Variants in RAP2A observed in about 807,000 individuals in gnomAD.
RAP2A encodes RAP2A, member of RAS oncogene family.
In RAP2A, 5 loss-of-function variants were observed where a neutral mutation model predicts 15.1. The ratio of observed to expected loss-of-function variants is 0.33; its 90% CI spans 0.17 to 0.70. The LOEUF (loss-of-function observed/expected upper bound fraction) is 0.70. Among genes scored for constraint, RAP2A ranks in the 30% least tolerant of loss-of-function variants. The pLI is 0.68. For missense variants in RAP2A, 111 were observed against 240.3 expected (o/e 0.46, Z 3.56); for synonymous variants, 110 against 99.7 (o/e 1.10, Z -0.62).
At chr13:97,457,701 GTATACT>G (rs1446259056) in intron 1 of RAP2A, among the ~76,000 whole-genome samples, 5 of 151,978 alleles carry the variant, frequency 3.3e-5, no homozygotes, top group South Asian at 2.1e-4. Flanking sequence ...AAAGCTATAG[GTATACT>G]TATATTGATA....
intron 1 of RAP2A, among the ~76,000 whole-genome samples, chr13:97,459,134 G>C (rs1463969445): frequency 6.6e-6 from 1 of 152,160 alleles, no homozygotes; most frequent in African/African-American, 2.4e-5. Flanking sequence ...AAGTTGGTGA[G>C]ATATCTGCTG....
chr13:97,438,479 C>T (rs758041832), intron 1 of RAP2A, among the ~76,000 whole-genome samples: 3 of 152,222 alleles, frequency 2.0e-5, no homozygotes, highest in Non-Finnish European at 2.9e-5. Flanking sequence ...CCATTTATAC[C>T]GGAGGTTGCA....
At chr13:97,434,858 G>A in intron 1 of RAP2A, 74 bp downstream of exon 1, 1 of 1,571,026 alleles carries the variant, frequency 6.4e-7, no homozygotes. Flanking sequence ...TCCCCGCGCG[G>A]GGCTCCGGGG....
At chr13:97,461,259 G>A (rs1444617583) in intron 1 of RAP2A, among the ~76,000 whole-genome samples, 2 of 152,156 alleles carry the variant, frequency 1.3e-5, no homozygotes, top group African/African-American at 2.4e-5. Flanking sequence ...TTAACAGAGA[G>A]ACAAAATTTA....
Position 97,434,279 on chromosome 13 carries a change from C to G in RAP2A, c.-192C>G, listed in dbSNP as rs1594320149. The G allele has an allele frequency of 5.4e-6, 1 of 183,948 alleles. No individual in the cohort carries two copies. The highest frequency in any genetic ancestry group is 9.9e-6 in the Non-Finnish European group (1 of 100,580). 11.4% of individuals were successfully genotyped at this position (183,948 alleles called of 1,614,324 possible). On this transcript the variant is annotated 5_prime_UTR_variant, in exon 1 of 2. Coordinates refer to ENST00000245304, the MANE Select transcript of RAP2A (RefSeq NM_021033.7). ...CGCATCGCCGCCCGGCTCGGCCCGG[C>G]CCATGCCCAGGGCCGCTGCTCCCTC...
At chr13:97,441,803 T>C (rs1006713667) in intron 1 of RAP2A, 1 of 444,348 alleles carries the variant, frequency 2.3e-6, no homozygotes, top group East Asian at 7.2e-5. Context: ...GTACTCTAAG[T>C]TTTTTTGGAG....
At chr13:97,457,516 C>T (rs1340505646) in intron 1 of RAP2A, among the ~76,000 whole-genome samples, 2 of 151,818 alleles carry the variant, frequency 1.3e-5, no homozygotes, top group South Asian at 2.1e-4. Flanking sequence ...AAATATAATA[C>T]ATCTTCATAT....
At chr13:97,461,998 T>TTATATTTA (rs1264584490) in intron 1 of RAP2A, among the ~76,000 whole-genome samples, 65 of 144,544 alleles carry the variant, frequency 4.5e-4, no homozygotes, top group African/African-American at 1.6e-3. Context: ...ATTTATATAT[T>TTATATTTA]TATATTTATA....
At chr13:97,435,605 A>ATTCTT (rs2066630866) in intron 1 of RAP2A, among the ~76,000 whole-genome samples, 1 of 151,810 alleles carries the variant, frequency 6.6e-6, no homozygotes, top group African/African-American at 2.4e-5. Context: ...ATATATATAA[A>ATTCTT]TTCTTTTCTA....
chr13:97,455,940 G>A (rs1009923583), intron 1 of RAP2A, among the ~76,000 whole-genome samples: 1 of 151,100 alleles, frequency 6.6e-6, no homozygotes, highest in African/African-American at 2.4e-5. Flanking sequence ...TCATCCTTCT[G>A]GTAAAATGGG....
At chr13:97,440,941 A>G (rs546853088) in intron 1 of RAP2A, among the ~76,000 whole-genome samples, 2 of 152,330 alleles carry the variant, frequency 1.3e-5, no homozygotes, top group African/African-American at 4.8e-5. Context: ...GGACTTACTT[A>G]TCTTGCATAA....
At position 97,468,801 on chromosome 13, in the gene RAP2A, G is replaced by A. The variant is rs2066783392; in HGVS notation, c.*4359G>A. The A allele has an allele frequency of 6.6e-6, 1 of 152,202 alleles. No individual in the cohort carries two copies. The highest frequency in any genetic ancestry group is 2.4e-5 in the African/African-American group (1 of 41,448). The allele number at this position is 152,202 out of a possible 1,614,324, so 9.4% of individuals were successfully genotyped here. On this transcript the variant is annotated 3_prime_UTR_variant, in exon 2 of 2. Coordinates refer to ENST00000245304, the MANE Select transcript of RAP2A (RefSeq NM_021033.7). ...ATGTATCAATAGTGGATAGTTGGAA[G>A]AACGTCTTTGAGGCTAAAAAGTAGT...
intron 1 of RAP2A, among the ~76,000 whole-genome samples, chr13:97,446,387 A>T (rs2066679720): frequency 6.6e-6 from 1 of 152,044 alleles, no homozygotes; most frequent in South Asian, 2.1e-4. Flanking sequence ...AGCTTTTGTT[A>T]ATTTGGGTAA....
chr13:97,438,521 A>G (rs1210153551), intron 1 of RAP2A, among the ~76,000 whole-genome samples: 2 of 152,002 alleles, frequency 1.3e-5, no homozygotes, highest in African/African-American at 2.4e-5. Flanking sequence ...GACCTTAGCA[A>G]TGACCTTGAA....
intron 1 of RAP2A, among the ~76,000 whole-genome samples, chr13:97,452,682 C>T (rs2066707686): frequency 6.7e-6 from 1 of 149,000 alleles, no homozygotes; most frequent in Non-Finnish European, 1.5e-5. Context: ...CCAACGGAAC[C>T]TTCTGGCATT....
intron 1 of RAP2A, among the ~76,000 whole-genome samples, chr13:97,453,094 A>G (rs1433500396): frequency 2.6e-5 from 4 of 151,324 alleles, no homozygotes; most frequent in South Asian, 2.1e-4. Context: ...ATTGTACATA[A>G]CATTTCCTTT....
chr13:97,434,887 TG>T, intron 1 of RAP2A, 103 bp downstream of exon 1: 1 of 1,483,022 alleles, frequency 6.7e-7, no homozygotes, highest in Non-Finnish European at 9.1e-7. Context: ...TTCTGGGGGG[TG>T]GCTCCAAGCT....
At chr13:97,435,495 ACAC>A (rs1292758838) in intron 1 of RAP2A, among the ~76,000 whole-genome samples, 3 of 144,316 alleles carry the variant, frequency 2.1e-5, no homozygotes, top group African/African-American at 5.0e-5. Flanking sequence ...AAACACCACC[ACAC>A]CACCACCACC....
chr13:97,435,591 A>C (rs1203400164), intron 1 of RAP2A, among the ~76,000 whole-genome samples: 4 of 151,030 alleles, frequency 2.6e-5, no homozygotes, highest in African/African-American at 9.7e-5. Context: ...ATAAGCCTTT[A>C]TATATATATA....
Sources: gnomAD v4.1 joint callset for allele counts (sites outside exome capture counted in the v4.1 genomes callset) on GRCh38, gnomAD v4.1.1 for gene constraint, MANE v1.5 for transcripts, NCBI Gene and HGNC (gene_info 2026-07-23, HGNC 2026-07-21) for gene names.